The following SUPT6H variants were observed in gnomAD, a reference collection of about 807,000 sequenced individuals.
SUPT6H encodes the protein SPT6 homolog, histone chaperone and transcription elongation factor.
SUPT6H carries 11 observed loss-of-function variants against 222.3 expected under a neutral mutation model. The observed-to-expected ratio is 0.05, with a 90% CI of 0.03 to 0.08. SUPT6H has a LOEUF of 0.08. SUPT6H is among the 10% of genes least tolerant of loss of function. SUPT6H has a pLI of 1.00. For synonymous variants in SUPT6H, 762 were observed against 801.2 expected (o/e 0.95, Z 0.83); for missense variants, 1,422 against 2,216.0 (o/e 0.64, Z 7.19).
intron 10 of SUPT6H, 21 bp downstream of exon 10, chr17:28,678,655 C>T: frequency 1.2e-6 from 2 of 1,612,570 alleles, no homozygotes; most frequent in Non-Finnish European, 1.7e-6. Context: ...TCCGTGGCCC[C>T]CAAGAGGTGT....
At position 28,687,403 on chromosome 17, in the gene SUPT6H, C is replaced by A; in HGVS notation, c.2938C>A (p.Pro980Thr). ...CGATGTCAACCGTGCCATTGCCCACCCTTACAGCCAGGCCTTGATCCAGTA... is the reference window on the plus strand; with the variant it reads ...CGATGTCAACCGTGCCATTGCCCACACTTACAGCCAGGCCTTGATCCAGTA... The part of the protein sequence containing the change: ...GVDVNRAIAH[P>T]YSQALIQYVC... Residue 980 changes from proline (P) to threonine (T), a missense_variant, in exon 23 of 37, where the codon CCT (proline) becomes ACT (threonine). Around this residue, in one of 13 missense-constraint regions of SUPT6H, gnomAD observed 294 missense variants for 382.1 expected, o/e 0.77. Coordinates refer to ENST00000314616, the MANE Select transcript of SUPT6H (RefSeq NM_003170.5). The A allele has an allele frequency of 2.5e-6, 4 of 1,614,190 alleles. No individual in the cohort carries two copies. Among genetic ancestry groups the A allele is most frequent in the Non-Finnish European group, 3.4e-6 (4 of 1,180,036 alleles).
At chr17:28,691,841 C>G (rs1407918477) in intron 27 of SUPT6H, 1 of 149,796 alleles carries the variant, frequency 6.7e-6, no homozygotes, top group Non-Finnish European at 1.5e-5. Context: ...AAGAGCGAGA[C>G]TCCGTCTCAA....
chr17:28,683,351 C>T lies in SUPT6H; in HGVS notation c.1962C>T (p.Leu654=), dbSNP rs1258948064. ...AGGAACTGAGAGATGACCAGTTTCT[C>T]AAGATATGCCTGGCTGAAGACGAAG... ...PVKELRDDQF[L]KICLAEDEGL... The change falls in exon 16 of 37, where the codon CTC becomes CTT. Residue 654 remains leucine, a synonymous_variant. Transcript: ENST00000314616. 6.2e-7 allele frequency: 1 copy of T among 1,614,154 alleles called. No homozygotes were observed. Among genetic ancestry groups the T allele is most frequent in the South Asian group, 1.1e-5 (1 of 91,088 alleles).
chr17:28,699,122 G>A (rs575411833), intron 32 of SUPT6H, among the ~76,000 whole-genome samples: 20 of 152,258 alleles, frequency 1.3e-4, no homozygotes, highest in African/African-American at 4.8e-4. Context: ...ATTGATAGCT[G>A]GCCTTCATTG....
intron 33 of SUPT6H, 61 bp from the exon 34 acceptor site, chr17:28,700,112 T>C: frequency 6.2e-7 from 1 of 1,611,064 alleles, no homozygotes; most frequent in South Asian, 1.1e-5. Context: ...TTCCACCCCC[T>C]GAATTGGGAA....
At chr17:28,695,753 C>T (rs1327315159) in intron 29 of SUPT6H, among the ~76,000 whole-genome samples, 1 of 152,190 alleles carries the variant, frequency 6.6e-6, no homozygotes, top group Admixed American at 6.5e-5. Flanking sequence ...TTTGCTAATG[C>T]CTTGTGACTC....
chr17:28,673,795 C>CT (rs1282791875), intron 2 of SUPT6H, among the ~76,000 whole-genome samples: 1 of 152,186 alleles, frequency 6.6e-6, no homozygotes, highest in South Asian at 2.1e-4. Flanking sequence ...GTATATAATA[C>CT]TTTCTGCTTT....
intron 1 of SUPT6H, among the ~76,000 whole-genome samples, chr17:28,670,716 C>G (rs1261890817): frequency 3.3e-5 from 5 of 151,964 alleles, no homozygotes; most frequent in African/African-American, 1.2e-4. Context: ...GAGAAACCCC[C>G]TCTCTACTAA....
intron 7 of SUPT6H, among the ~76,000 whole-genome samples, chr17:28,677,420 C>A (rs550490412): frequency 1.3e-5 from 2 of 151,894 alleles, no homozygotes; most frequent in South Asian, 4.2e-4. Context: ...TGGCGGGCAC[C>A]TATGATCCTA....
intron 29 of SUPT6H, 114 bp downstream of exon 29, chr17:28,695,661 G>T (rs1191912578): frequency 8.2e-7 from 1 of 1,216,426 alleles, no homozygotes; most frequent in African/African-American, 1.5e-5. Flanking sequence ...TGGGGACTCA[G>T]CTTTGAGGTG....
intron 1 of SUPT6H, among the ~76,000 whole-genome samples, chr17:28,667,452 T>C (rs1358859990): frequency 1.4e-5 from 2 of 140,396 alleles, no homozygotes; most frequent in African/African-American, 5.2e-5. Context: ...TGTGTGTGTA[T>C]ACATATGTAT....
At chr17:28,676,503 G>A (rs17720594) in intron 7 of SUPT6H, 73 bp downstream of exon 7, 60,807 of 1,598,018 alleles carry the variant, frequency 0.038, 1,385 homozygotes, top group Non-Finnish European at 0.045. Context: ...TCTAGCAAAA[G>A]TCTGGCATTG....
At chr17:28,690,372 G>A in intron 26 of SUPT6H, 143 bp downstream of exon 26, 1 of 1,044,874 alleles carries the variant, frequency 9.6e-7, no homozygotes, top group Non-Finnish European at 1.4e-6. Context: ...AGACTAAAGA[G>A]TCCTGGACTG....
chr17:28,674,257 A>C (rs2030602089), intron 2 of SUPT6H, 26 bp from the exon 3 acceptor site: 1 of 1,613,738 alleles, frequency 6.2e-7, no homozygotes, highest in Non-Finnish European at 8.5e-7. Flanking sequence ...TTCAGTCTCC[A>C]TGCCTCAAAC....
At chr17:28,684,982 T>C in intron 19 of SUPT6H, 21 bp downstream of exon 19, 1 of 1,597,158 alleles carries the variant, frequency 6.3e-7, no homozygotes, top group Non-Finnish European at 8.6e-7. Context: ...AGGACGAGGA[T>C]ACTAAGTGTA....
chr17:28,696,296 CAAA>C (rs1185490286), intron 29 of SUPT6H, among the ~76,000 whole-genome samples: 1 of 53,712 alleles, frequency 1.9e-5, no homozygotes, highest in African/African-American at 7.7e-5. Context: ...GACTCTGTCT[CAAA>C]AAAAAAAAAA....
At chr17:28,684,746 C>A in intron 18 of SUPT6H, 21 bp downstream of exon 18, 1 of 1,613,720 alleles carries the variant, frequency 6.2e-7, no homozygotes, top group South Asian at 1.1e-5. Flanking sequence ...ATTTTTGCCT[C>A]CCCAGCACCA....
intron 1 of SUPT6H, among the ~76,000 whole-genome samples, chr17:28,666,717 A>G (rs1038610204): frequency 3.3e-5 from 5 of 151,890 alleles, no homozygotes; most frequent in African/African-American, 1.2e-4. Flanking sequence ...ACACCCGGCT[A>G]ATTTTTGTAT....
intron 1 of SUPT6H, among the ~76,000 whole-genome samples, chr17:28,665,028 C>A (rs2029932438): frequency 6.6e-6 from 1 of 152,222 alleles, no homozygotes; most frequent in Admixed American, 6.5e-5. Flanking sequence ...CTGGTTTCCA[C>A]TCAGATCTTC....
Sources: allele counts gnomAD v4.1 joint callset (sites outside exome capture counted in the v4.1 genomes callset), GRCh38; gene constraint gnomAD v4.1.1; regional missense constraint gnomAD v4.1.1; transcripts MANE v1.5; gene names NCBI Gene and HGNC (gene_info 2026-07-23, HGNC 2026-07-21).